Variants in OSBPL11 observed in about 807,000 individuals in gnomAD.
OSBPL11 encodes oxysterol binding protein like 11.
A neutral mutation model predicts 84.4 loss-of-function variants in OSBPL11; 33 were observed. The ratio of observed to expected loss-of-function variants is 0.39; its 90% confidence interval spans 0.30 to 0.52. The LOEUF is 0.52. Ranked by LOEUF, OSBPL11 falls within the 20% of genes least tolerant of loss-of-function variation. The pLI, the probability that OSBPL11 is intolerant of heterozygous loss-of-function variation, is 0.72. For missense variants in OSBPL11, 736 were observed against 901.1 expected, an observed-to-expected ratio of 0.82 and a Z score of 2.35; for synonymous variants, 276 against 310.2, an observed-to-expected ratio of 0.89 and a Z score of 1.16.
intron 2 of OSBPL11, 23 bp downstream of exon 2, chr3:125,582,887 G>A (rs552730759): frequency 1.3e-6 from 2 of 1,541,074 alleles, no homozygotes; most frequent in South Asian, 2.4e-5. Context: ...AGAGACTGAT[G>A]TGACACAAAT....
At chr3:125,585,070 A>G (rs538364941) in intron 1 of OSBPL11, among the ~76,000 whole-genome samples, 2 of 152,086 alleles carry the variant, frequency 1.3e-5, no homozygotes, top group East Asian at 1.9e-4. Context: ...ATGAGCCACA[A>G]ATTTTTTAAA....
intron 2 of OSBPL11, among the ~76,000 whole-genome samples, chr3:125,580,799 T>C (rs765417803): frequency 2.0e-5 from 3 of 152,130 alleles, no homozygotes; most frequent in Non-Finnish European, 2.9e-5. Flanking sequence ...AAGATATGCA[T>C]TGTGATTTAA....
intron 10 of OSBPL11, among the ~76,000 whole-genome samples, chr3:125,543,424 G>A (rs1016313802): frequency 8.6e-5 from 13 of 151,752 alleles, no homozygotes; most frequent in African/African-American, 2.7e-4. Flanking sequence ...GAGCCACCGC[G>A]CCCAGCCTAG....
At chr3:125,581,902 A>C (rs944899887) in intron 2 of OSBPL11, among the ~76,000 whole-genome samples, 28 of 151,772 alleles carry the variant, frequency 1.8e-4, no homozygotes, top group African/African-American at 6.5e-4. Flanking sequence ...TTTCAGCCCG[A>C]GGTGGAGGTT....
intron 11 of OSBPL11, among the ~76,000 whole-genome samples, chr3:125,535,177 C>A (rs561483323): frequency 2.6e-4 from 39 of 151,612 alleles, no homozygotes; most frequent in African/African-American, 8.9e-4. Context: ...ACTATAGATC[C>A]TACACAGATA....
intron 1 of OSBPL11, among the ~76,000 whole-genome samples, chr3:125,585,335 T>C (rs780733263): frequency 6.6e-6 from 1 of 152,018 alleles, no homozygotes; most frequent in Non-Finnish European, 1.5e-5. Context: ...TTCGTAAAGA[T>C]GGGTTGGCCA....
intron 5 of OSBPL11, among the ~76,000 whole-genome samples, 175 bp from the exon 6 acceptor site, chr3:125,567,770 A>G (rs1342178278): frequency 6.6e-6 from 1 of 152,150 alleles, no homozygotes; most frequent in African/African-American, 2.4e-5. Context: ...AGGTGGGAAG[A>G]TAACTTGAGC....
intron 8 of OSBPL11, among the ~76,000 whole-genome samples, chr3:125,556,060 C>T (rs927646491): frequency 1.2e-4 from 18 of 152,166 alleles, no homozygotes; most frequent in African/African-American, 2.9e-4. Context: ...TTTTCACATT[C>T]GCTTCTTACA....
At chr3:125,593,659 C>T (rs944538954) in intron 1 of OSBPL11, among the ~76,000 whole-genome samples, 1 of 151,968 alleles carries the variant, frequency 6.6e-6, no homozygotes, top group Non-Finnish European at 1.5e-5. Flanking sequence ...TACTTCACTT[C>T]TATATGTTAA....
intron 7 of OSBPL11, among the ~76,000 whole-genome samples, chr3:125,561,659 A>G (rs1936081351): frequency 6.6e-6 from 1 of 152,222 alleles, no homozygotes; most frequent in African/African-American, 2.4e-5. Flanking sequence ...CGCTATTGTC[A>G]TTAAGACTAA....
intron 10 of OSBPL11, among the ~76,000 whole-genome samples, chr3:125,540,521 A>G (rs72979718): frequency 0.18 from 27,186 of 151,924 alleles, 3,119 homozygotes; most frequent in African/African-American, 0.33. Context: ...TGATGTCATT[A>G]CATGCTTCCT....
intron 5 of OSBPL11, among the ~76,000 whole-genome samples, chr3:125,567,840 A>G (rs1936182471): frequency 6.6e-6 from 1 of 151,960 alleles, no homozygotes; most frequent in South Asian, 2.1e-4. Context: ...ATAAAATTTT[A>G]AAAATTAGTC....
chr3:125,594,507 C>G, intron 1 of OSBPL11, 130 bp downstream of exon 1: 1 of 1,076,350 alleles, frequency 9.3e-7, no homozygotes, highest in South Asian at 1.6e-5. Context: ...CAGATCCAAA[C>G]GAGATGTATC....
chr3:125,548,693 A>G (rs1935855550), intron 9 of OSBPL11, among the ~76,000 whole-genome samples: 1 of 152,082 alleles, frequency 6.6e-6, no homozygotes, highest in Non-Finnish European at 1.5e-5. Flanking sequence ...TGAAGTGGAT[A>G]TATACTACTA....
chr3:125,546,481 C>T (rs566548968), intron 10 of OSBPL11, among the ~76,000 whole-genome samples: 6 of 152,156 alleles, frequency 3.9e-5, no homozygotes, highest in South Asian at 4.1e-4. Flanking sequence ...TACAGGCATG[C>T]GCCACCATAC....
intron 4 of OSBPL11, 29 bp from the exon 5 acceptor site, chr3:125,576,394 GT>G (rs761295049): frequency 6.0e-6 from 9 of 1,512,456 alleles, no homozygotes; most frequent in Non-Finnish European, 7.9e-6. Flanking sequence ...CATTCCTTTT[GT>G]TTTCTTCTTT....
At position 125,560,603 on chromosome 3, in the gene OSBPL11, A is replaced by T. The variant is rs189059491; in HGVS notation, c.1015-84T>A. On this transcript the variant is annotated intron_variant, in intron 7 of 12. Transcript: ENST00000296220. ...AACAAAACAATAAATATCAGACTTG[A>T]AGACATTTGTATTTGACCTAAGTGA... 2.6e-3 allele frequency: 3,174 copies of T among 1,232,746 alleles called. 3 individuals are homozygous for T. Among genetic ancestry groups the T allele is most frequent in the Non-Finnish European group, 3.2e-3 (3,031 of 938,198 alleles). The allele number at this position is 1,232,746 out of a possible 1,614,324, so 76.4% of individuals were successfully genotyped here. A position where few individuals can be genotyped will look rare whatever the true frequency, so the allele number is the denominator to read the frequency against.
chr3:125,536,929 T>G (rs1453715334), intron 11 of OSBPL11, among the ~76,000 whole-genome samples: 4 of 151,922 alleles, frequency 2.6e-5, no homozygotes, highest in African/African-American at 9.7e-5. Flanking sequence ...GAGGCTGAGG[T>G]GGCAGGATCA....
chr3:125,585,234 G>A (rs751319340), intron 1 of OSBPL11, among the ~76,000 whole-genome samples: 4 of 152,184 alleles, frequency 2.6e-5, no homozygotes, highest in South Asian at 2.1e-4. Context: ...GGGCTCATGC[G>A]ATTTTTCTGC....
Sources: gnomAD v4.1 joint callset for allele counts (sites outside exome capture counted in the v4.1 genomes callset) on GRCh38, gnomAD v4.1.1 for gene constraint, MANE v1.5 for transcripts, NCBI Gene and HGNC (gene_info 2026-07-23, HGNC 2026-07-21) for gene names.